The following RUSF1 variants were observed in gnomAD, a reference collection of about 807,000 sequenced individuals.
The protein encoded by RUSF1 is RUS1 family protein C16orf58.
RUSF1 carries 58 observed loss-of-function variants against 63.0 expected under a neutral mutation model. The observed-to-expected ratio is 0.92, with a 90% CI of 0.75 to 1.15. The LOEUF is 1.15. RUSF1 is among the 50% of genes most tolerant of loss of function. The probability of loss-of-function intolerance (pLI) is 0.00; values close to 1 mark genes in which losing one functional copy is unlikely to be tolerated. For synonymous variants in RUSF1, 274 were observed against 255.8 expected (o/e 1.07, Z -0.68); for missense variants, 652 against 611.0 (o/e 1.07, Z -0.71).
intron 5 of RUSF1, among the ~76,000 whole-genome samples, chr16:31,497,317 T>G (rs1235103517): frequency 6.6e-6 from 1 of 151,898 alleles, no homozygotes; most frequent in Non-Finnish European, 1.5e-5. Context: ...CTGCCTCCTG[T>G]AATTCCTCTA....
At position 31,490,612 on chromosome 16, in the gene RUSF1, AG is replaced by A; in HGVS notation, c.*222del. 1 of 1,293,754 alleles carries A rather than the reference AG, an allele frequency of 7.7e-7. No individual in the cohort carries two copies. The highest frequency in any genetic ancestry group is 1.1e-6 in the Non-Finnish European group (1 of 910,626). 80.1% of individuals were successfully genotyped at this position (1,293,754 alleles called of 1,614,324 possible). A position where few individuals can be genotyped will look rare whatever the true frequency, so the allele number is the denominator to read the frequency against. Reference sequence around the variant, plus strand: ...AGGAGCCTGCGGTGCTCCCCAGAAAAGGGGAAGGGGCAGTGGGGTGAGAAGG... The same window carrying A: ...AGGAGCCTGCGGTGCTCCCCAGAAAAGGGAAGGGGCAGTGGGGTGAGAAGG... On this transcript the variant is annotated 3_prime_UTR_variant, in exon 13 of 13. Coordinates refer to ENST00000327237, the MANE Select transcript of RUSF1 (RefSeq NM_022744.4).
chr16:31,497,016 C>T (rs2082607434), intron 5 of RUSF1, 66 bp from the exon 6 acceptor site: 1 of 1,348,716 alleles, frequency 7.4e-7, no homozygotes, highest in Non-Finnish European at 1.0e-6. Flanking sequence ...GCACTCAGAC[C>T]AGCTGGAGAA....
In RUSF1 at chr16:31,490,041, G is replaced by T; in HGVS notation, c.*794C>A. 1 of 1,608,748 alleles carries T rather than the reference G, an allele frequency of 6.2e-7. No individual in the cohort carries two copies. The highest frequency in any genetic ancestry group is 1.1e-5 in the South Asian group (1 of 90,054). On this transcript the variant is annotated 3_prime_UTR_variant, in exon 13 of 13. Coordinates refer to ENST00000327237, the MANE Select transcript of RUSF1 (RefSeq NM_022744.4). ...GGCAGTGACGAGCTGGTGTGCAAGA[G>T]ACTTTAGGGCCAGGCATGGGGGGAC...
At chr16:31,497,950 C>T (rs920230720) in intron 5 of RUSF1, among the ~76,000 whole-genome samples, 1 of 152,180 alleles carries the variant, frequency 6.6e-6, no homozygotes, top group Admixed American at 6.5e-5. Context: ...AGAGGAGCGG[C>T]ACGGAGGCTA....
At chr16:31,492,914 T>C (rs774000036) in intron 10 of RUSF1, 64 bp downstream of exon 10, 65 of 1,512,036 alleles carry the variant, frequency 4.3e-5, no homozygotes, top group Middle Eastern at 2.4e-4. Flanking sequence ...GGGCCCTAGG[T>C]TGGAGGAATG....
chr16:31,502,483 C>T lies in RUSF1; in HGVS notation c.416-1752G>A, dbSNP rs532670473. ...CCCTTCACTAAGGCTCCCATTAAAT[C>T]GGTGAATAAAATTGAGGTATTTTAC... On this transcript the variant is annotated intron_variant, in intron 2 of 12. Transcript: ENST00000327237. Among the ~76,000 whole-genome samples, 8 of 152,262 alleles carry T rather than the reference C, an allele frequency of 5.3e-5. No individual in the cohort carries two copies. The South Asian group carries it at 1.5e-3, about 28-fold the overall frequency.
rs142405964 is a variant in RUSF1 at position 31,492,220 on chromosome 16, T to A, written c.1208A>T (p.Glu403Val). 31 of 1,611,324 alleles carry A rather than the reference T, an allele frequency of 1.9e-5. No individual in the cohort carries two copies. The African/African-American group carries it at 3.3e-4, about 17-fold the overall frequency. The change falls in exon 11 of 13, where the codon GAG (glutamate) becomes GTG (valine). Residue 403 changes from glutamate to valine, a missense_variant. By Grantham distance (121) the Glu-to-Val change is moderately radical. Coordinates refer to ENST00000327237, the MANE Select transcript of RUSF1 (RefSeq NM_022744.4). Reference sequence around the variant, plus strand: ...ACCTGCCCGCACCCGGTTCCTCAGCTCCTCCAGCTCTGCTGGAAGGGGTCC... The same window carrying A: ...ACCTGCCCGCACCCGGTTCCTCAGCACCTCCAGCTCTGCTGGAAGGGGTCC... ...GDGPLPAELE[E>V]LRNRVRAGPK...
At chr16:31,507,263 T>C (rs1237195939) in intron 2 of RUSF1, among the ~76,000 whole-genome samples, 1 of 152,216 alleles carries the variant, frequency 6.6e-6, no homozygotes, top group Admixed American at 6.5e-5. Context: ...CTTAAACAAT[T>C]TTTTAAAAGC....
In RUSF1 at chr16:31,490,330, G is replaced by C; in HGVS notation, c.*505C>G. The stretch of plus-strand genomic sequence containing the variant: ...TCAGAGCCCCAGGCCCCGGCACCAA[G>C]CCTCTTCCGCCAGTGCCTGCTCTGG... On this transcript the variant is annotated 3_prime_UTR_variant, in exon 13 of 13. Transcript: ENST00000327237. The C allele has an allele frequency of 6.2e-7, 1 of 1,612,464 alleles. No homozygotes were observed. The highest frequency in any genetic ancestry group is 8.5e-7 in the Non-Finnish European group (1 of 1,179,402).
intron 5 of RUSF1, among the ~76,000 whole-genome samples, chr16:31,497,810 C>T (rs997655754): frequency 5.3e-5 from 8 of 152,206 alleles, no homozygotes; most frequent in African/African-American, 1.2e-4. Flanking sequence ...AAAGTGAGGG[C>T]GAAGTGGCTG....
intron 2 of RUSF1, among the ~76,000 whole-genome samples, chr16:31,501,365 C>T (rs540069227): frequency 6.6e-6 from 1 of 152,060 alleles, no homozygotes; most frequent in East Asian, 1.9e-4. Flanking sequence ...GGGGTTTGGG[C>T]CCAGGGACTG....
At chr16:31,506,822 A>C (rs1459085410) in intron 2 of RUSF1, among the ~76,000 whole-genome samples, 2 of 151,726 alleles carry the variant, frequency 1.3e-5, no homozygotes, top group Non-Finnish European at 2.9e-5. Context: ...GGGTCTCCCT[A>C]TGTTGCCCAG....
Position 31,507,758 on chromosome 16 carries a change from G to A in RUSF1, c.415+6C>T. ...CAATACGTGAGGCTCCAGGGGTGCA[G>A]CTCACCTTTCACGAGCCAGGTGGCC... On this transcript the variant is annotated splice_donor_region_variant and intron_variant, in intron 2 of 12. Transcript: ENST00000327237. 5 of 1,558,420 alleles carry A rather than the reference G, an allele frequency of 3.2e-6. No individual in the cohort carries two copies. Among genetic ancestry groups the A allele is most frequent in the Non-Finnish European group, 4.3e-6 (5 of 1,150,484 alleles).
In RUSF1 at chr16:31,490,516, T is replaced by C. The variant is rs776541459; in HGVS notation, c.*319A>G. 3 of 1,612,546 alleles carry C rather than the reference T, an allele frequency of 1.9e-6. No individual in the cohort carries two copies. The Admixed American group carries it at 5.0e-5, about 27-fold the overall frequency. The stretch of plus-strand genomic sequence containing the variant: ...CTCATGATGGCAGTGGCCGTGTTCC[T>C]CTGGGGCTTCTATGCCTAAGACCAA... On this transcript the variant is annotated 3_prime_UTR_variant, in exon 13 of 13. Coordinates refer to ENST00000327237, the MANE Select transcript of RUSF1 (RefSeq NM_022744.4).
chr16:31,507,806 T>C lies in RUSF1; in HGVS notation c.373A>G (p.Lys125Glu). 6.3e-7 allele frequency: 1 copy of C among 1,578,748 alleles called. No homozygotes were observed. The highest frequency in any genetic ancestry group is 1.2e-5 in the South Asian group (1 of 85,936). The stretch of plus-strand genomic sequence containing the variant: ...GCCGTGGCAGCTGAAACAGTGGCTT[T>C]TGCGTTCCCCACCCCTATGCCCAGC... Reference protein sequence around the residue: ...VLLGIGVGNAKATVSAATATW... With the variant: ...VLLGIGVGNAEATVSAATATW... Residue 125 changes from lysine (K) to glutamate (E), a missense_variant, in exon 2 of 13, where the codon AAA becomes GAA. By Grantham distance (56) the Lys-to-Glu change is moderately conservative. Transcript: ENST00000327237.
chr16:31,503,159 T>G (rs2082641058), intron 2 of RUSF1, among the ~76,000 whole-genome samples: 1 of 152,206 alleles, frequency 6.6e-6, no homozygotes, highest in Non-Finnish European at 1.5e-5. Flanking sequence ...GGCCAAGCTG[T>G]AAGATCTAGA....
Position 31,492,012 on chromosome 16 carries a change from T to C in RUSF1, c.1306A>G (p.Lys436Glu). The C allele has an allele frequency of 6.2e-7, 1 of 1,614,116 alleles. No homozygotes were observed. Among genetic ancestry groups the C allele is most frequent in the Non-Finnish European group, 8.5e-7 (1 of 1,179,960 alleles). ...VLDMLFPKFL[K>E]GLQDAGWKTE... ...GCCATGGGCTGAGGGATGTTACCTT[T>C]CAAGAACTTTGGGAACAGCATGTCC... The change falls in exon 12 of 13, where the codon AAA becomes GAA. Residue 436 changes from lysine (K) to glutamate (E), a missense_variant. Physicochemically the swap from Lys to Glu is moderately conservative, Grantham distance 56 (BLOSUM62 1). Coordinates refer to ENST00000327237, the MANE Select transcript of RUSF1 (RefSeq NM_022744.4).
chr16:31,493,547 T>C, intron 8 of RUSF1, 23 bp from the exon 9 acceptor site: 2 of 1,614,002 alleles, frequency 1.2e-6, no homozygotes, highest in Non-Finnish European at 1.7e-6. Flanking sequence ...GGGGTCAGGA[T>C]GCCTAGGCAG....
chr16:31,493,316 C>A, intron 9 of RUSF1, 151 bp downstream of exon 9: 1 of 1,105,152 alleles, frequency 9.0e-7, no homozygotes, highest in Non-Finnish European at 1.3e-6. Flanking sequence ...CCTTTCCTTC[C>A]TCACACACCC....
Sources: allele counts gnomAD v4.1 joint callset (sites outside exome capture counted in the v4.1 genomes callset), GRCh38; gene constraint gnomAD v4.1.1; transcripts MANE v1.5; gene names NCBI Gene and HGNC (gene_info 2026-07-23, HGNC 2026-07-21).